The following MACROD2 variants were observed in gnomAD, a reference collection of about 807,000 sequenced individuals.
MACROD2 encodes the protein ADP-ribose glycohydrolase MACROD2.
Under a neutral mutation model 70.4 loss-of-function variants are expected in MACROD2, and 36 were observed. The ratio of observed to expected loss-of-function variants is 0.51; its 90% confidence interval spans 0.39 to 0.68. The LOEUF is 0.68. Ranked by LOEUF, MACROD2 falls within the 30% of genes least tolerant of loss-of-function variation. The pLI is 0.00. For missense variants in MACROD2, 496 were observed against 538.4 expected, an observed-to-expected ratio of 0.92 and a Z score of 0.78; for synonymous variants, 172 against 178.8, an observed-to-expected ratio of 0.96 and a Z score of 0.30.
chr20:15,067,743 T>C (rs2075588689), intron 5 of MACROD2, among the ~76,000 whole-genome samples: 1 of 152,184 alleles, frequency 6.6e-6, no homozygotes, highest in Non-Finnish European at 1.5e-5. Context: ...TATTGATTTA[T>C]CAATTTATTG....
chr20:14,854,970 C>G lies in MACROD2; in HGVS notation c.418+170011C>G, dbSNP rs1392008027. Reference sequence around the variant, plus strand: ...GACGGAGCTTGCAGTGAGCCGAGATCGCACCACTGCACTCCAGCCTGGGCG... The same window carrying G: ...GACGGAGCTTGCAGTGAGCCGAGATGGCACCACTGCACTCCAGCCTGGGCG... On this transcript the variant is annotated intron_variant, in intron 5 of 17. Coordinates refer to ENST00000684519, the MANE Select transcript of MACROD2 (RefSeq NM_001351661.2). Among the ~76,000 whole-genome samples the G allele has an allele frequency of 3.3e-5, 5 of 151,874 alleles. No individual in the cohort carries two copies. The East Asian group carries it at 7.7e-4, about 24-fold the overall frequency.
intron 3 of MACROD2, among the ~76,000 whole-genome samples, chr20:14,312,860 C>T (rs1286213951): frequency 6.6e-6 from 1 of 152,210 alleles, no homozygotes; most frequent in African/African-American, 2.4e-5. Flanking sequence ...ATTGGGGTAG[C>T]TCAACTCCAG....
At chr20:15,578,247 C>T (rs899055303) in intron 8 of MACROD2, among the ~76,000 whole-genome samples, 1 of 152,162 alleles carries the variant, frequency 6.6e-6, no homozygotes, top group South Asian at 2.1e-4. Context: ...TTCAGGACCA[C>T]TTGGCCTTAT....
chr20:15,190,990 G>T (rs2076566788), intron 5 of MACROD2, among the ~76,000 whole-genome samples: 1 of 152,184 alleles, frequency 6.6e-6, no homozygotes, highest in East Asian at 1.9e-4. Flanking sequence ...AACCCTGATA[G>T]AGGCCATCCC....
intron 7 of MACROD2, among the ~76,000 whole-genome samples, chr20:15,438,222 T>C (rs1368126593): frequency 6.6e-6 from 1 of 152,170 alleles, no homozygotes; most frequent in Non-Finnish European, 1.5e-5. Context: ...GGTCAAGTGA[T>C]AGTTCTGCTT....
intron 5 of MACROD2, among the ~76,000 whole-genome samples, chr20:14,976,341 G>A (rs2074739422): frequency 6.6e-6 from 1 of 152,130 alleles, no homozygotes; most frequent in East Asian, 1.9e-4. Context: ...TCTGGCTTCT[G>A]GTGGCTGCCT....
At chr20:14,718,708 G>C (rs1398348529) in intron 5 of MACROD2, among the ~76,000 whole-genome samples, 3 of 152,094 alleles carry the variant, frequency 2.0e-5, no homozygotes, top group Non-Finnish European at 4.4e-5. Context: ...TCAAGTTCCT[G>C]AGAAATAATT....
chr20:15,328,228 G>A (rs1032376557), intron 6 of MACROD2, among the ~76,000 whole-genome samples: 1 of 151,854 alleles, frequency 6.6e-6, no homozygotes, highest in African/African-American at 2.4e-5. Context: ...AGCATTCCAG[G>A]AAGTCAGAAC....
chr20:14,408,757 C>T (rs1221777147), intron 3 of MACROD2, among the ~76,000 whole-genome samples: 2 of 152,064 alleles, frequency 1.3e-5, no homozygotes, highest in Non-Finnish European at 2.9e-5. Flanking sequence ...TGTGTGGAAT[C>T]GTTTTATAGG....
At chr20:15,325,691 G>A (rs1320127252) in intron 6 of MACROD2, among the ~76,000 whole-genome samples, 1 of 152,130 alleles carries the variant, frequency 6.6e-6, no homozygotes, top group African/African-American at 2.4e-5. Context: ...GTAATCACTT[G>A]TATCATTCGT....
chr20:14,416,901 G>C (rs947021997), intron 3 of MACROD2, among the ~76,000 whole-genome samples: 4 of 152,170 alleles, frequency 2.6e-5, no homozygotes, highest in Admixed American at 2.6e-4. Context: ...ATTTGCCAGG[G>C]CAAGGTGCTG....
chr20:14,657,976 A>G (rs1986055430), intron 4 of MACROD2, among the ~76,000 whole-genome samples: 2 of 138,000 alleles, frequency 1.4e-5, no homozygotes, highest in Admixed American at 6.8e-5. Flanking sequence ...ACATAGTTAA[A>G]AAAAAAAAAA....
intron 3 of MACROD2, among the ~76,000 whole-genome samples, chr20:14,226,560 G>T (rs1418797842): frequency 1.3e-5 from 2 of 152,182 alleles, no homozygotes; most frequent in Non-Finnish European, 2.9e-5. Flanking sequence ...GGGCCAGCTG[G>T]AGTTCCGGGT....
chr20:14,267,831 A>G (rs577396848), intron 3 of MACROD2, among the ~76,000 whole-genome samples: 1 of 152,194 alleles, frequency 6.6e-6, no homozygotes, highest in South Asian at 2.1e-4. Flanking sequence ...GACTCTCTCC[A>G]ATAGAAGTGA....
intron 3 of MACROD2, chr20:14,086,196 C>T (rs145821607): frequency 2.9e-5 from 11 of 380,216 alleles, no homozygotes; most frequent in African/African-American, 2.1e-4. Context: ...GTTAGGGTTC[C>T]AGTTTTCATT....
chr20:14,091,630 A>T (rs1333899903), intron 3 of MACROD2, among the ~76,000 whole-genome samples: 2 of 152,128 alleles, frequency 1.3e-5, no homozygotes, highest in Non-Finnish European at 2.9e-5. Context: ...TCAAAATAAT[A>T]ATAATAATAA....
At chr20:15,185,751 G>A (rs1283142510) in intron 5 of MACROD2, among the ~76,000 whole-genome samples, 1 of 152,104 alleles carries the variant, frequency 6.6e-6, no homozygotes, top group Non-Finnish European at 1.5e-5. Flanking sequence ...TGAACCAGAG[G>A]CCATCCTCCT....
At chr20:14,293,744 T>C (rs2082404669) in intron 3 of MACROD2, among the ~76,000 whole-genome samples, 1 of 151,858 alleles carries the variant, frequency 6.6e-6, no homozygotes, top group South Asian at 2.1e-4. Flanking sequence ...AGAGATCCAA[T>C]GGAGGAAAAT....
At chr20:15,546,823 T>C (rs2048031843) in intron 8 of MACROD2, among the ~76,000 whole-genome samples, 1 of 152,212 alleles carries the variant, frequency 6.6e-6, no homozygotes, top group African/African-American at 2.4e-5. Context: ...ATCTGATTCA[T>C]ATATCACTCA....
Sources: gnomAD v4.1 joint callset for allele counts (sites outside exome capture counted in the v4.1 genomes callset) on GRCh38, gnomAD v4.1.1 for gene constraint, MANE v1.5 for transcripts, NCBI Gene and HGNC (gene_info 2026-07-23, HGNC 2026-07-21) for gene names.